SGCZ: variants seen among roughly 807,000 people sequenced by gnomAD.
The protein encoded by SGCZ is zeta-sarcoglycan.
In SGCZ, 40 loss-of-function variants were observed where a neutral mutation model predicts 41.3. The ratio of observed to expected loss-of-function variants is 0.97; its 90% CI spans 0.75 to 1.26. SGCZ has a LOEUF of 1.26. Among genes scored for constraint, SGCZ ranks in the 50% most tolerant of loss-of-function variants. The probability of loss-of-function intolerance (pLI) is 0.00; values close to 1 mark genes in which losing one functional copy is unlikely to be tolerated. For missense variants in SGCZ, 552 were observed against 369.8 expected, an observed-to-expected ratio of 1.49 and a Z score of -4.04; for synonymous variants, 206 against 137.5, an observed-to-expected ratio of 1.50 and a Z score of -3.49.
chr8:14,939,969 C>A lies in SGCZ; in HGVS notation c.39+297616G>T, dbSNP rs546006100. ...TGTTCTTTCATTGAAACATCTATTTCAATTCTTAGGGATTAGCACAGCAGA... is the reference window on the plus strand; with the variant it reads ...TGTTCTTTCATTGAAACATCTATTTAAATTCTTAGGGATTAGCACAGCAGA... On this transcript the variant is annotated intron_variant, in intron 1 of 7. Transcript: ENST00000382080. Among the ~76,000 whole-genome samples, 4 of 152,210 alleles carry A rather than the reference C, an allele frequency of 2.6e-5. No individual in the cohort carries two copies. In the East Asian group the frequency reaches 5.8e-4, roughly 22 times the overall value.
chr8:15,170,520 C>T (rs956471368), intron 1 of SGCZ, among the ~76,000 whole-genome samples: 1 of 152,152 alleles, frequency 6.6e-6, no homozygotes, highest in Non-Finnish European at 1.5e-5. Context: ...TTTCTCAGTG[C>T]CCCAACTCTA....
chr8:14,241,539 T>A (rs552071864), intron 3 of SGCZ, among the ~76,000 whole-genome samples: 29 of 91,588 alleles, frequency 3.2e-4, no homozygotes, highest in African/African-American at 1.3e-3. Context: ...CTAACATAAA[T>A]ATCTTTTTTT....
At chr8:15,161,489 T>C (rs1799511001) in intron 1 of SGCZ, among the ~76,000 whole-genome samples, 1 of 152,168 alleles carries the variant, frequency 6.6e-6, no homozygotes, top group Non-Finnish European at 1.5e-5. Context: ...CAGGGCTGTA[T>C]GTGTTTTGCC....
intron 1 of SGCZ, among the ~76,000 whole-genome samples, chr8:14,598,075 T>C (rs1289063947): frequency 1.3e-5 from 2 of 152,214 alleles, no homozygotes; most frequent in African/African-American, 2.4e-5. Context: ...ATTTTTTCTA[T>C]ATATGACTAC....
chr8:14,090,850 G>T (rs1046041494), intron 7 of SGCZ, among the ~76,000 whole-genome samples: 5 of 151,986 alleles, frequency 3.3e-5, no homozygotes, highest in Admixed American at 3.3e-4. Flanking sequence ...GGTGCATTCT[G>T]ACAGAAAGCC....
At chr8:14,942,498 A>G (rs1197587557) in intron 1 of SGCZ, among the ~76,000 whole-genome samples, 1 of 152,144 alleles carries the variant, frequency 6.6e-6, no homozygotes, top group Non-Finnish European at 1.5e-5. Context: ...ATAAATCATA[A>G]TCAAAAGATT....
chr8:15,125,023 A>G (rs1056160472), intron 1 of SGCZ, among the ~76,000 whole-genome samples: 14 of 152,292 alleles, frequency 9.2e-5, no homozygotes, highest in African/African-American at 3.4e-4. Context: ...TATGCACATT[A>G]TGAAAAATAA....
intron 1 of SGCZ, among the ~76,000 whole-genome samples, chr8:14,898,977 T>A (rs1402127819): frequency 1.3e-5 from 2 of 152,184 alleles, no homozygotes; most frequent in African/African-American, 2.4e-5. Flanking sequence ...TGTAAAATAA[T>A]TTTTTAAAAG....
chr8:14,420,406 T>A (rs1799607826), intron 2 of SGCZ, among the ~76,000 whole-genome samples: 2 of 152,130 alleles, frequency 1.3e-5, no homozygotes, highest in Admixed American at 6.6e-5. Context: ...TCAACTCTTA[T>A]AATCTTAGCT....
chr8:14,861,406 G>T (rs527240828), intron 1 of SGCZ, among the ~76,000 whole-genome samples: 1 of 152,208 alleles, frequency 6.6e-6, no homozygotes, highest in East Asian at 1.9e-4. Flanking sequence ...ACAGCGGTAA[G>T]AATGCTCTTG....
At chr8:14,157,466 T>C (rs1175838027) in intron 5 of SGCZ, among the ~76,000 whole-genome samples, 1 of 150,962 alleles carries the variant, frequency 6.6e-6, no homozygotes, top group African/African-American at 2.4e-5. Flanking sequence ...TTGAGCATTT[T>C]TCTTACTCTC....
intron 1 of SGCZ, among the ~76,000 whole-genome samples, chr8:14,609,582 T>C (rs1278026346): frequency 6.6e-6 from 1 of 152,208 alleles, no homozygotes; most frequent in African/African-American, 2.4e-5. Flanking sequence ...AGACACATGA[T>C]AAAAATGCTG....
At chr8:15,188,907 A>G (rs556344119) in intron 1 of SGCZ, among the ~76,000 whole-genome samples, 1 of 152,282 alleles carries the variant, frequency 6.6e-6, no homozygotes, top group African/African-American at 2.4e-5. Context: ...GAAAGAAGCT[A>G]CAAAATAATA....
intron 2 of SGCZ, among the ~76,000 whole-genome samples, chr8:14,400,700 A>G (rs4831581): frequency 1 from 152,220 of 152,262 alleles, 76,089 homozygotes; most frequent in Non-Finnish European, 1. Context: ...ATTTTTCTAA[A>G]GGCCTATTCT....
intron 3 of SGCZ, among the ~76,000 whole-genome samples, chr8:14,270,327 G>A (rs189194361): frequency 8.6e-4 from 130 of 151,440 alleles, no homozygotes; most frequent in African/African-American, 1.6e-3. Flanking sequence ...GTAAAACTCC[G>A]TCTCAAAAAA....
At chr8:15,009,225 A>T (rs531996828) in intron 1 of SGCZ, among the ~76,000 whole-genome samples, 5 of 152,262 alleles carry the variant, frequency 3.3e-5, no homozygotes, top group Non-Finnish European at 7.3e-5. Flanking sequence ...ATTATGGCAG[A>T]AAGCAAAGGG....
At chr8:14,310,331 T>C (rs2116996354) in intron 3 of SGCZ, among the ~76,000 whole-genome samples, 1 of 152,248 alleles carries the variant, frequency 6.6e-6, no homozygotes, top group East Asian at 1.9e-4. Context: ...TTTTGTGCAG[T>C]CTTTGGTAAT....
chr8:14,688,622 G>T (rs904400879), intron 1 of SGCZ, among the ~76,000 whole-genome samples: 2 of 152,086 alleles, frequency 1.3e-5, no homozygotes, highest in Non-Finnish European at 2.9e-5. Flanking sequence ...TTGAAATCAG[G>T]TAGCGTGACG....
chr8:14,209,467 T>A (rs192631097), intron 4 of SGCZ, among the ~76,000 whole-genome samples: 7 of 152,332 alleles, frequency 4.6e-5, no homozygotes, highest in African/African-American at 1.7e-4. Flanking sequence ...CTGCTTCGCT[T>A]ATGATAATTA....
Sources: gnomAD v4.1 joint callset for allele counts (sites outside exome capture counted in the v4.1 genomes callset) on GRCh38, gnomAD v4.1.1 for gene constraint, MANE v1.5 for transcripts, NCBI Gene and HGNC (gene_info 2026-07-23, HGNC 2026-07-21) for gene names.